The following UTRN variants were observed in gnomAD, a reference collection of about 807,000 sequenced individuals.
UTRN encodes the protein utrophin.
Under a neutral mutation model 463.9 loss-of-function variants are expected in UTRN, and 283 were observed. The observed-to-expected ratio is 0.61, with a 90% CI of 0.55 to 0.67. UTRN has a LOEUF of 0.67. Among genes scored for constraint, UTRN ranks in the 30% least tolerant of loss-of-function variants. The probability of loss-of-function intolerance (pLI) is 0.00; values close to 1 mark genes in which losing one functional copy is unlikely to be tolerated. For synonymous variants in UTRN, 1,442 were observed against 1,431.5 expected (o/e 1.01, Z -0.17); for missense variants, 3,922 against 4,084.3 (o/e 0.96, Z 1.08).
chr6:144,749,349 T>TAAC (rs1791124546), intron 55 of UTRN, among the ~76,000 whole-genome samples: 1 of 152,176 alleles, frequency 6.6e-6, no homozygotes, highest in Admixed American at 6.6e-5. Flanking sequence ...GGTAATCAAA[T>TAAC]AATGTTAACT....
Position 144,698,166 on chromosome 6 carries a change from T to C in UTRN, c.7653-1921T>C, listed in dbSNP as rs368302354. ...AGTTAATATAATTGAAATTATTTAG[T>C]TCTGCTCTGTGACAAGTGAAATTAT... is the stretch of plus-strand genomic sequence containing the variant. On this transcript the variant is annotated intron_variant, in intron 52 of 74. Coordinates refer to ENST00000367545, the MANE Select transcript of UTRN (RefSeq NM_007124.3). Among the ~76,000 whole-genome samples the C allele has an allele frequency of 4.9e-4, 75 of 152,286 alleles. 2 individuals carry two copies. The highest frequency in any genetic ancestry group is 1.7e-3 in the African/African-American group (71 of 41,576).
intron 10 of UTRN, among the ~76,000 whole-genome samples, chr6:144,436,882 A>T (rs2114890661): frequency 6.9e-6 from 1 of 145,430 alleles, no homozygotes; most frequent in South Asian, 2.1e-4. Flanking sequence ...AATAAAATAT[A>T]TAAATATTTT....
At chr6:144,468,322 A>G (rs1298699876) in intron 23 of UTRN, among the ~76,000 whole-genome samples, 4 of 152,180 alleles carry the variant, frequency 2.6e-5, no homozygotes, top group African/African-American at 9.7e-5. Flanking sequence ...AAATGCTTAG[A>G]AATCATTGCT....
At chr6:144,405,063 A>G (rs1161938710) in intron 3 of UTRN, among the ~76,000 whole-genome samples, 4 of 152,058 alleles carry the variant, frequency 2.6e-5, no homozygotes, top group African/African-American at 4.8e-5. Flanking sequence ...TAAAAGTTAT[A>G]GTTAGTTTTA....
At chr6:144,323,467 C>T (rs1448016848) in intron 2 of UTRN, among the ~76,000 whole-genome samples, 2 of 152,172 alleles carry the variant, frequency 1.3e-5, no homozygotes, top group African/African-American at 4.8e-5. Context: ...TTGTGATAAT[C>T]TGTTTTAAAT....
chr6:144,624,154 T>C (rs1775710930), intron 51 of UTRN, among the ~76,000 whole-genome samples: 1 of 152,164 alleles, frequency 6.6e-6, no homozygotes, highest in South Asian at 2.1e-4. Context: ...TGCCAAGTAG[T>C]GTCTGTTAAA....
At chr6:144,458,621 A>C (rs747347478) in intron 19 of UTRN, 149 bp from the exon 20 acceptor site, 11 of 809,756 alleles carry the variant, frequency 1.4e-5, no homozygotes, top group East Asian at 3.0e-5. Flanking sequence ...CATCATTATA[A>C]ATTTTTGTTG....
intron 19 of UTRN, 136 bp from the exon 20 acceptor site, chr6:144,458,634 G>A (rs1789108348): frequency 2.0e-6 from 2 of 982,072 alleles, no homozygotes; most frequent in Non-Finnish European, 2.8e-6. Context: ...TTTTGTTGTT[G>A]TATTAAAAGG....
intron 52 of UTRN, among the ~76,000 whole-genome samples, chr6:144,687,445 T>C (rs1366937222): frequency 6.6e-6 from 1 of 151,652 alleles, no homozygotes; most frequent in Non-Finnish European, 1.5e-5. Flanking sequence ...GTAAAAACAA[T>C]CAAAAAAAGA....
intron 51 of UTRN, among the ~76,000 whole-genome samples, chr6:144,650,233 A>G (rs1397543834): frequency 6.6e-6 from 1 of 152,172 alleles, no homozygotes; most frequent in Non-Finnish European, 1.5e-5. Flanking sequence ...ACCTCCCACC[A>G]AGTCCCTCCC....
chr6:144,821,258 CA>C (rs1779575994), intron 66 of UTRN, among the ~76,000 whole-genome samples: 1 of 152,114 alleles, frequency 6.6e-6, no homozygotes, highest in South Asian at 2.1e-4. Flanking sequence ...ATTAATATGT[CA>C]ACCTTAATAC....
rs758174438 is a variant in UTRN, at chr6:144,490,176, G to A, written c.4240G>A (p.Gly1414Arg). 9 of 1,611,594 alleles carry A rather than the reference G, an allele frequency of 5.6e-6. No individual in the cohort carries two copies. The highest frequency in any genetic ancestry group is 1.3e-5 in the African/African-American group (1 of 74,718). Reference sequence around the variant, plus strand: ...CCCAGAGAGTAGGACTGCCAGAGGAGGAAGTCAGATGGATGTGCTACAGGT... The same window carrying A: ...CCCAGAGAGTAGGACTGCCAGAGGAAGAAGTCAGATGGATGTGCTACAGGT... Reference protein sequence around the residue: ...TSPESRTARGGSQMDVLQRKL... With the variant: ...TSPESRTARGRSQMDVLQRKL... Residue 1414 changes from glycine (G) to arginine (R), a missense_variant, in exon 31 of 75, where the codon GGA becomes AGA. Transcript: ENST00000367545.
intron 34 of UTRN, among the ~76,000 whole-genome samples, chr6:144,500,520 G>A (rs1794076778): frequency 6.6e-6 from 1 of 151,982 alleles, no homozygotes; most frequent in African/African-American, 2.4e-5. Flanking sequence ...TTACATTCAT[G>A]GATCATCAAG....
chr6:144,783,233 T>TCA (rs1776009062), intron 61 of UTRN, among the ~76,000 whole-genome samples: 2 of 151,970 alleles, frequency 1.3e-5, no homozygotes, highest in East Asian at 3.9e-4. Context: ...AACTGTTGTT[T>TCA]TGCCTCTCAT....
At chr6:144,298,495 A>C (rs1451453052) in intron 2 of UTRN, among the ~76,000 whole-genome samples, 1 of 149,010 alleles carries the variant, frequency 6.7e-6, no homozygotes, top group African/African-American at 2.6e-5. Context: ...CCGGTTCATA[A>C]GGGAAATGTC....
At position 144,749,998 on chromosome 6, in the gene UTRN, T is replaced by C. The variant is rs1791201831; in HGVS notation, c.8208+1484T>C. On this transcript the variant is annotated intron_variant, in intron 55 of 74. Transcript: ENST00000367545. ...TGTTGATTTTAAAAGCTAATTACAGTTCTTGAGTCCTCCAAGGTACCTACC... is the reference window on the plus strand; with the variant it reads ...TGTTGATTTTAAAAGCTAATTACAGCTCTTGAGTCCTCCAAGGTACCTACC... Among the ~76,000 whole-genome samples the C allele has an allele frequency of 2.0e-5, 3 of 152,146 alleles. No individual in the cohort carries two copies. The South Asian group carries it at 6.2e-4, about 32-fold the overall frequency.
At chr6:144,713,860 C>T (rs1786049277) in intron 53 of UTRN, among the ~76,000 whole-genome samples, 1 of 145,466 alleles carries the variant, frequency 6.9e-6, no homozygotes, top group African/African-American at 2.6e-5. Flanking sequence ...GAGGAGGTTG[C>T]GGTGAGCCGA....
intron 9 of UTRN, among the ~76,000 whole-genome samples, chr6:144,431,153 G>A (rs1242833767): frequency 6.6e-6 from 1 of 152,066 alleles, no homozygotes; most frequent in East Asian, 1.9e-4. Flanking sequence ...TTGTTACAGG[G>A]TTTTAGATTC....
intron 3 of UTRN, among the ~76,000 whole-genome samples, chr6:144,408,187 C>T (rs1055279911): frequency 1.3e-5 from 2 of 152,160 alleles, no homozygotes; most frequent in African/African-American, 2.4e-5. Context: ...TCTGTGGATC[C>T]GTGCCACACG....
Sources: gnomAD v4.1 joint callset for allele counts (sites outside exome capture counted in the v4.1 genomes callset) on GRCh38, gnomAD v4.1.1 for gene constraint, MANE v1.5 for transcripts, NCBI Gene and HGNC (gene_info 2026-07-23, HGNC 2026-07-21) for gene names.